Variants in DAB1 observed in about 807,000 individuals in gnomAD.
The protein encoded by DAB1 is DAB adaptor protein 1, also known as disabled homolog 1.
A neutral mutation model predicts 64.6 loss-of-function variants in DAB1; 15 were observed. The observed-to-expected ratio is 0.23, with a 90% CI of 0.16 to 0.36. DAB1 has a LOEUF of 0.36. DAB1 is among the 10% of genes least tolerant of loss of function. DAB1 has a pLI of 1.00. For missense variants in DAB1, 596 were observed against 706.7 expected, an observed-to-expected ratio of 0.84 and a Z score of 1.78; for synonymous variants, 235 against 251.9, an observed-to-expected ratio of 0.93 and a Z score of 0.64.
At chr1:58,096,039 T>C (rs747485506) in intron 5 of DAB1, among the ~76,000 whole-genome samples, 3 of 152,226 alleles carry the variant, frequency 2.0e-5, no homozygotes, top group Non-Finnish European at 4.4e-5. Flanking sequence ...TGGGTGTATT[T>C]GCGACCCTAA....
At chr1:57,113,542 A>G (rs553714821) in intron 4 of DAB1, among the ~76,000 whole-genome samples, 19 of 152,234 alleles carry the variant, frequency 1.2e-4, no homozygotes, top group Non-Finnish European at 2.5e-4. Flanking sequence ...GTGCAAAAGC[A>G]GCCATAGGTA....
intron 1 of DAB1, among the ~76,000 whole-genome samples, chr1:57,359,855 C>A (rs1390950159): frequency 6.6e-6 from 1 of 151,878 alleles, no homozygotes; most frequent in Non-Finnish European, 1.5e-5. Context: ...AATATTATAT[C>A]CCCTCACTAA....
chr1:58,210,290 A>G (rs1420514945), intron 4 of DAB1, among the ~76,000 whole-genome samples: 1 of 152,182 alleles, frequency 6.6e-6, no homozygotes, highest in African/African-American at 2.4e-5. Context: ...GAGGAACTGC[A>G]CAAGGAAAGG....
chr1:57,672,618 A>G (rs1420720938), intron 6 of DAB1, among the ~76,000 whole-genome samples: 1 of 152,200 alleles, frequency 6.6e-6, no homozygotes, highest in African/African-American at 2.4e-5. Flanking sequence ...TAGTCACAGT[A>G]AGTTAAAATC....
chr1:58,344,615 T>C (rs1046445801), intron 3 of DAB1, among the ~76,000 whole-genome samples: 1 of 152,194 alleles, frequency 6.6e-6, no homozygotes, highest in Non-Finnish European at 1.5e-5. Context: ...CCCTTCTGGA[T>C]ATAAAACTCT....
chr1:57,152,595 T>C (rs1349754985), intron 2 of DAB1, among the ~76,000 whole-genome samples: 3 of 152,240 alleles, frequency 2.0e-5, no homozygotes, highest in Non-Finnish European at 4.4e-5. Context: ...CCTTCACCTA[T>C]GTGATGTCAC....
chr1:57,058,553 A>C (rs748046067), intron 9 of DAB1, among the ~76,000 whole-genome samples: 6 of 152,226 alleles, frequency 3.9e-5, no homozygotes, highest in Non-Finnish European at 8.8e-5. Context: ...CAAAGCAAGG[A>C]GGTATGGAGT....
intron 4 of DAB1, among the ~76,000 whole-genome samples, chr1:57,103,187 G>A (rs759255190): frequency 6.6e-6 from 1 of 152,132 alleles, no homozygotes; most frequent in Admixed American, 6.5e-5. Flanking sequence ...TCAGCTGGAG[G>A]GGGGCTGGTG....
chr1:57,486,879 A>C (rs1319599737), intron 7 of DAB1, among the ~76,000 whole-genome samples: 1 of 152,152 alleles, frequency 6.6e-6, no homozygotes, highest in Non-Finnish European at 1.5e-5. Context: ...TATGTGAAGA[A>C]AGAAAAGAAG....
At chr1:57,245,745 T>C (rs1668822295) in intron 2 of DAB1, among the ~76,000 whole-genome samples, 1 of 152,232 alleles carries the variant, frequency 6.6e-6, no homozygotes, top group Non-Finnish European at 1.5e-5. Context: ...TAAACATACT[T>C]GTGCATGTGT....
At chr1:58,226,750 C>G (rs948542844) in intron 4 of DAB1, among the ~76,000 whole-genome samples, 1 of 152,154 alleles carries the variant, frequency 6.6e-6, no homozygotes, top group Non-Finnish European at 1.5e-5. Flanking sequence ...TCTTATTTTA[C>G]AGATGAGGAA....
rs1553157685 is a variant in DAB1, at chr1:58,072,086, G to GGC, written n.387+78424_387+78425insGC. ...GGATAGCAAACATTATTGGTGGGGTGGGGGGGGGTGGGTAGTAGGGAAGGT... is the reference window on the plus strand; with the variant it reads ...GGATAGCAAACATTATTGGTGGGGTGGCGGGGGGGGTGGGTAGTAGGGAAGGT... On this transcript the variant is annotated intron_variant and non_coding_transcript_variant, in intron 5 of 20. Coordinates refer to the DAB1 transcript ENST00000485760. Among the ~76,000 whole-genome samples, 5 of 32,576 alleles carry GGC rather than the reference G, an allele frequency of 1.5e-4. 1 individual carries two copies. Among genetic ancestry groups the GGC allele is most frequent in the Admixed American group, 4.8e-4 (1 of 2,076 alleles). 21.4% of individuals were successfully genotyped at this position (32,576 alleles called of 152,430 possible). A position where few individuals can be genotyped will look rare whatever the true frequency, so the allele number is the denominator to read the frequency against.
chr1:58,056,112 A>G (rs1444611518), intron 5 of DAB1: 5 of 1,027,020 alleles, frequency 4.9e-6, no homozygotes, highest in Non-Finnish European at 6.0e-6. Flanking sequence ...GCCTGTCTTC[A>G]GTCTTTAAGA....
At chr1:57,149,359 G>A (rs542655916) in intron 2 of DAB1, among the ~76,000 whole-genome samples, 21 of 152,178 alleles carry the variant, frequency 1.4e-4, no homozygotes, top group Admixed American at 1.1e-3. Flanking sequence ...AGGAATTGTC[G>A]CATCATATGG....
chr1:58,089,491 G>A (rs955576913), intron 5 of DAB1, among the ~76,000 whole-genome samples: 1 of 152,200 alleles, frequency 6.6e-6, no homozygotes, highest in Non-Finnish European at 1.5e-5. Context: ...TTAGAAGAAG[G>A]ATGGACCCTC....
chr1:57,251,681 A>G (rs1012265887), intron 2 of DAB1, among the ~76,000 whole-genome samples: 3 of 152,320 alleles, frequency 2.0e-5, no homozygotes, highest in African/African-American at 7.2e-5. Flanking sequence ...CAAAGAAAAA[A>G]AAATCTTCCC....
At chr1:58,275,935 A>T (rs1373423488) in intron 4 of DAB1, among the ~76,000 whole-genome samples, 1 of 152,228 alleles carries the variant, frequency 6.6e-6, no homozygotes, top group Non-Finnish European at 1.5e-5. Flanking sequence ...ATCTCTAACA[A>T]CAGATAACAA....
At chr1:57,119,382 TC>T (rs1656433262) in intron 4 of DAB1, among the ~76,000 whole-genome samples, 1 of 152,052 alleles carries the variant, frequency 6.6e-6, no homozygotes, top group South Asian at 2.1e-4. Flanking sequence ...TTAGTGTCTT[TC>T]CCCCCTCCTC....
At chr1:57,884,406 G>A (rs1644192219), upstream of DAB1, among the ~76,000 whole-genome samples, 1 of 152,048 alleles carries the variant, frequency 6.6e-6, no homozygotes, top group African/African-American at 2.4e-5. Context: ...GCTATGGGAA[G>A]GACATGAATA....
Sources: gnomAD v4.1 joint callset for allele counts (sites outside exome capture counted in the v4.1 genomes callset) on GRCh38, gnomAD v4.1.1 for gene constraint, MANE v1.5 for transcripts, NCBI Gene and HGNC (gene_info 2026-07-23, HGNC 2026-07-21) for gene names.